The following ATN1 variants were observed in gnomAD, a reference collection of about 807,000 sequenced individuals.
ATN1 encodes atrophin-1.
ATN1 carries 19 observed loss-of-function variants against 85.8 expected under a neutral mutation model. The ratio of observed to expected loss-of-function variants is 0.22; its 90% CI spans 0.15 to 0.32. The LOEUF is 0.32. Ranked by LOEUF, ATN1 falls within the 10% of genes least tolerant of loss-of-function variation. ATN1 has a pLI of 1.00. For synonymous variants in ATN1, 674 were observed against 657.0 expected, an observed-to-expected ratio of 1.03 and a Z score of -0.39; for missense variants, 1,453 against 1,564.5, an observed-to-expected ratio of 0.93 and a Z score of 1.20.
At chr12:6,926,404 G>C (rs1945399198), upstream of ATN1, among the ~76,000 whole-genome samples, 1 of 151,816 alleles carries the variant, frequency 6.6e-6, no homozygotes, top group Non-Finnish European at 1.5e-5. Context: ...ATCTACCCAT[G>C]AGCTTGCCAG....
rs782397087 is a variant in ATN1, at chr12:6,937,971, C to G, written c.2421C>G (p.Ala807=). The G allele has an allele frequency of 1.3e-5, 21 of 1,557,178 alleles. No individual in the cohort carries two copies. The Admixed American group carries it at 2.9e-4, about 22-fold the overall frequency. ...ADLVEKVRRE[A]EQRAREEKER... is the part of the protein sequence containing the mutation. Reference sequence around the variant, plus strand: ...TGGTGGAGAAGGTGCGGCGCGAGGCCGAGCAGCGCGCGCGCGAAGAAAAGG... The same window carrying G: ...TGGTGGAGAAGGTGCGGCGCGAGGCGGAGCAGCGCGCGCGCGAAGAAAAGG... The change falls in exon 6 of 10, where the codon GCC becomes GCG. Residue 807 remains alanine (A), a synonymous_variant. Transcript: ENST00000396684. The surrounding 1 kb of genome is among the most constrained non-coding windows in gnomAD (Gnocchi z 6.0).
At chr12:6,928,866 T>G (rs1427294756) in intron 1 of ATN1, among the ~76,000 whole-genome samples, 2 of 151,912 alleles carry the variant, frequency 1.3e-5, no homozygotes, top group African/African-American at 2.4e-5. Flanking sequence ...GGTTGGGGGC[T>G]TTAGGAATAG....
chr12:6,927,702 C>T (rs922814306), upstream of ATN1, among the ~76,000 whole-genome samples: 9 of 151,876 alleles, frequency 5.9e-5, no homozygotes, highest in Non-Finnish European at 1.2e-4. Context: ...TCGCGTCTCC[C>T]TCCTGGCCCC....
upstream of ATN1, among the ~76,000 whole-genome samples, chr12:6,926,937 T>C (rs977535196): frequency 6.6e-6 from 1 of 150,418 alleles, no homozygotes; most frequent in African/African-American, 2.5e-5. Flanking sequence ...ACCCCCAGGA[T>C]CCAGCCAGCC....
At chr12:6,927,841 C>T (rs1384696221), upstream of ATN1, among the ~76,000 whole-genome samples, 1 of 150,284 alleles carries the variant, frequency 6.7e-6, no homozygotes, top group Non-Finnish European at 1.5e-5. Context: ...CCCAGCCCGT[C>T]CGCAGCCCCG....
rs1555143454 is a variant in ATN1, at chr12:6,935,630, T to C, written c.363T>C (p.Pro121=). The change falls in exon 5 of 10, where the codon CCT becomes CCC. Residue 121 remains proline, a synonymous_variant. Transcript: ENST00000396684. The surrounding 1 kb of genome is among the most constrained non-coding windows in gnomAD (Gnocchi z 5.3). ...TTAATGATGATGGCAGCAGCGACCCTAGGGATATCGACCAGGACAACCGAA... is the reference window on the plus strand; with the variant it reads ...TTAATGATGATGGCAGCAGCGACCCCAGGGATATCGACCAGGACAACCGAA... The part of the protein sequence containing the change: ...RSLNDDGSSD[P]RDIDQDNRST... 2 of 1,613,908 alleles carry C rather than the reference T, an allele frequency of 1.2e-6. No homozygotes were observed. Among genetic ancestry groups the C allele is most frequent in the South Asian group, 2.2e-5 (2 of 91,078 alleles).
Position 6,941,776 on chromosome 12 carries a change from T to G in ATN1, c.3569T>G (p.Leu1190Arg), listed in dbSNP as rs782229139. 4 of 1,614,022 alleles carry G rather than the reference T, an allele frequency of 2.5e-6. No individual in the cohort carries two copies. Among genetic ancestry groups the G allele is most frequent in the Non-Finnish European group, 3.4e-6 (4 of 1,179,918 alleles). ...SHLKKESDKP[L>R] ...CTGAAGAAGGAAAGCGACAAGCCAC[T>G]GTAGAACCTGCGATCAAGAGAGCAC... The change falls in exon 10 of 10, where the codon CTG (leucine) becomes CGG (arginine). Residue 1190 changes from leucine (L) to arginine (R), a missense_variant. Around this residue, in one of 6 missense-constraint regions of ATN1, gnomAD observed 118 missense variants for 163.7 expected, o/e 0.72. Coordinates refer to ENST00000396684, the MANE Select transcript of ATN1 (RefSeq NM_001940.4). This position sits in a 1 kb window ranked among gnomAD's most constrained non-coding sequence, Gnocchi z 5.9.
At chr12:6,926,506 G>A (rs1014569485), upstream of ATN1, among the ~76,000 whole-genome samples, 1 of 148,566 alleles carries the variant, frequency 6.7e-6, no homozygotes, top group Non-Finnish European at 1.5e-5. Flanking sequence ...ACGGCGTCTC[G>A]CTCTGTCTCC....
At chr12:6,929,176 G>C (rs1945432667) in intron 1 of ATN1, among the ~76,000 whole-genome samples, 4 of 152,164 alleles carry the variant, frequency 2.6e-5, no homozygotes. Flanking sequence ...ACAGAAGGGG[G>C]AGTTGGGAAG....
Position 6,936,971 on chromosome 12 carries a change from C to G in ATN1, c.1704C>G (p.Val568=), listed in dbSNP as rs987475927. Reference sequence around the variant, plus strand: ...AAGCAGGCCCCAATGGCCCTCCAGTCTCTTCCTCTTCCAACTCTTCCTCTT... The same window carrying G: ...AAGCAGGCCCCAATGGCCCTCCAGTGTCTTCCTCTTCCAACTCTTCCTCTT... ...YSQAGPNGPP[V]SSSSNSSSST... is the part of the protein sequence containing the mutation. The change falls in exon 5 of 10, where the codon GTC becomes GTG. Residue 568 remains valine, a synonymous_variant. Coordinates refer to ENST00000396684, the MANE Select transcript of ATN1 (RefSeq NM_001940.4). 1.2e-6 allele frequency: 2 copies of G among 1,613,576 alleles called. No individual in the cohort carries two copies. The highest frequency in any genetic ancestry group is 1.3e-5 in the African/African-American group (1 of 75,010).
upstream of ATN1, among the ~76,000 whole-genome samples, chr12:6,927,890 A>T (rs2138198801): frequency 6.6e-6 from 1 of 150,502 alleles, no homozygotes; most frequent in Non-Finnish European, 1.5e-5. Context: ...TTTCGGAGGG[A>T]CCGCGGCTTC....
chr12:6,931,078 G>A (rs1455611045), intron 1 of ATN1, among the ~76,000 whole-genome samples: 5 of 152,048 alleles, frequency 3.3e-5, no homozygotes, highest in African/African-American at 1.2e-4. Flanking sequence ...GTTTTTATCA[G>A]ATTTCAGGTG....
At chr12:6,932,387 A>G (rs1555143146) in intron 1 of ATN1, among the ~76,000 whole-genome samples, 1 of 152,256 alleles carries the variant, frequency 6.6e-6, no homozygotes, top group Non-Finnish European at 1.5e-5. Flanking sequence ...TTAAAGGTCA[A>G]TCACAAGAAG....
rs782058686 is a variant in ATN1 at position 6,941,719 on chromosome 12, T to C, written c.3540-28T>C. On this transcript the variant is annotated intron_variant, in intron 9 of 9. Coordinates refer to ENST00000396684, the MANE Select transcript of ATN1 (RefSeq NM_001940.4). This position sits in a 1 kb window ranked among gnomAD's most constrained non-coding sequence, Gnocchi z 5.9. ...CAGAGTTGGTCTCAAGTCTCTTACC[T>C]CTCTGCTATGCACTGCCCCTTCCCT... is the stretch of plus-strand genomic sequence containing the variant. 1.2e-5 allele frequency: 19 copies of C among 1,612,986 alleles called. No homozygotes were observed. In the Admixed American group the frequency reaches 2.3e-4, roughly 20 times the overall value.
At chr12:6,929,948 C>T (rs1945440214) in intron 1 of ATN1, among the ~76,000 whole-genome samples, 1 of 152,188 alleles carries the variant, frequency 6.6e-6, no homozygotes, top group Non-Finnish European at 1.5e-5. Context: ...CTCAACTAAC[C>T]TTTGGCCTTC....
upstream of ATN1, among the ~76,000 whole-genome samples, chr12:6,924,980 C>G (rs1945382840): frequency 6.6e-6 from 1 of 152,190 alleles, no homozygotes; most frequent in South Asian, 2.1e-4. Context: ...TGGGTTACAG[C>G]TAGCTCTGCC....
Position 6,937,304 on chromosome 12 carries a change from T to A in ATN1, c.2037T>A (p.Pro679=). 6.3e-7 allele frequency: 1 copy of A among 1,589,356 alleles called. No homozygotes were observed. Among genetic ancestry groups the A allele is most frequent in the Non-Finnish European group, 8.6e-7 (1 of 1,169,066 alleles). ...TPPGYRGTSP[P]AGPGTFKPGS... ...CGGGCTATCGAGGAACCTCGCCACC[T>A]GCAGGCCCAGGGACCTTCAAGCCGG... Residue 679 remains proline (P), a synonymous_variant, in exon 5 of 10, where the codon CCT becomes CCA. Coordinates refer to ENST00000396684, the MANE Select transcript of ATN1 (RefSeq NM_001940.4). This position sits in a 1 kb window ranked among gnomAD's most constrained non-coding sequence, Gnocchi z 6.0.
Position 6,936,197 on chromosome 12 carries a change from C to T in ATN1, c.930C>T (p.Leu310=). The part of the protein sequence containing the change: ...NLPPPPALRP[L]NNASASPPGL... ...CTCCCCCACCTGCCCTGAGACCCCT[C>T]AACAATGCATCAGCCTCTCCCCCTG... The change falls in exon 5 of 10, where the codon CTC becomes CTT. Residue 310 remains leucine, a synonymous_variant. Coordinates refer to ENST00000396684, the MANE Select transcript of ATN1 (RefSeq NM_001940.4). 6.3e-7 allele frequency: 1 copy of T among 1,587,836 alleles called. No individual in the cohort carries two copies. Among genetic ancestry groups the T allele is most frequent in the Non-Finnish European group, 8.6e-7 (1 of 1,166,562 alleles).
chr12:6,936,925 A>G lies in ATN1; in HGVS notation c.1658A>G (p.His553Arg), dbSNP rs781962189. 1.9e-6 allele frequency: 3 copies of G among 1,613,682 alleles called. No homozygotes were observed. Among genetic ancestry groups the G allele is most frequent in the Non-Finnish European group, 2.5e-6 (3 of 1,179,872 alleles). ...GGGCCAGCACACCTGCCCCCACCTC[A>G]CAGCCAGGTGTCCTACAGCCAAGCA... ...PPGPAHLPPP[H>R]SQVSYSQAGP... is the part of the protein sequence containing the mutation. The change falls in exon 5 of 10, where the codon CAC becomes CGC. Residue 553 changes from histidine (H) to arginine (R), a missense_variant. Physicochemically the swap from His to Arg is conservative, Grantham distance 29. This residue lies in a region of ATN1 where 990 missense variants were observed against 914.8 expected (regional missense o/e 1.08). Coordinates refer to ENST00000396684, the MANE Select transcript of ATN1 (RefSeq NM_001940.4).
Sources: gnomAD v4.1 joint callset for allele counts (sites outside exome capture counted in the v4.1 genomes callset) on GRCh38, gnomAD v4.1.1 for gene constraint, gnomAD v4.1.1 regional missense constraint, Gnocchi (gnomAD v3.1) non-coding constraint, MANE v1.5 for transcripts, NCBI Gene and HGNC (gene_info 2026-07-23, HGNC 2026-07-21) for gene names.